GALNT2: variants seen among roughly 807,000 people sequenced by gnomAD.
GALNT2 encodes the protein polypeptide N-acetylgalactosaminyltransferase 2, also known as UDP-GalNAc:polypeptide N-acetylgalactosaminyltransferase 2.
In GALNT2, 31 loss-of-function variants were observed where a neutral mutation model predicts 81.4. The ratio of observed to expected loss-of-function variants is 0.38; its 90% CI spans 0.29 to 0.51. GALNT2 has a LOEUF of 0.51. GALNT2 is among the 20% of genes least tolerant of loss of function. GALNT2 has a pLI of 0.87. For missense variants in GALNT2, 629 were observed against 765.7 expected (o/e 0.82, Z 2.11); for synonymous variants, 303 against 287.4 (o/e 1.05, Z -0.55).
intron 1 of GALNT2, among the ~76,000 whole-genome samples, chr1:230,092,839 T>C (rs1009966590): frequency 7.9e-5 from 12 of 152,136 alleles, no homozygotes; most frequent in African/African-American, 2.9e-4. Flanking sequence ...GGGTCAAATT[T>C]AGGGGGTAGA....
chr1:230,137,943 AT>A (rs781018224), intron 1 of GALNT2, among the ~76,000 whole-genome samples: 13 of 152,082 alleles, frequency 8.5e-5, no homozygotes, highest in Non-Finnish European at 1.6e-4. Context: ...CTTAGTTTTG[AT>A]TTGTTTTACA....
intron 11 of GALNT2, among the ~76,000 whole-genome samples, chr1:230,260,319 A>G (rs898075195): frequency 6.6e-6 from 1 of 152,220 alleles, no homozygotes; most frequent in East Asian, 1.9e-4. Context: ...GTAGATACCA[A>G]ATAAATACCT....
chr1:230,087,026 C>G (rs1176525078), intron 1 of GALNT2, among the ~76,000 whole-genome samples: 2 of 152,218 alleles, frequency 1.3e-5, no homozygotes, highest in Non-Finnish European at 2.9e-5. Flanking sequence ...TAACCCACAC[C>G]AGGCACGTAG....
chr1:230,079,667 T>C (rs1351107123), intron 1 of GALNT2, among the ~76,000 whole-genome samples: 5 of 152,194 alleles, frequency 3.3e-5, no homozygotes, highest in Non-Finnish European at 5.9e-5. Flanking sequence ...ACTAACCCTT[T>C]ATTGAAACTG....
At chr1:230,163,081 AT>A (rs1459212475) in intron 1 of GALNT2, among the ~76,000 whole-genome samples, 2 of 152,314 alleles carry the variant, frequency 1.3e-5, no homozygotes, top group African/African-American at 4.8e-5. Context: ...TGACCCCTGC[AT>A]TTCTAAGTCA....
intron 11 of GALNT2, among the ~76,000 whole-genome samples, chr1:230,255,995 CT>C (rs1425918792): frequency 6.6e-6 from 1 of 152,090 alleles, no homozygotes; most frequent in Non-Finnish European, 1.5e-5. Context: ...TGGCGAGGGT[CT>C]TCTTGATGTG....
intron 1 of GALNT2, among the ~76,000 whole-genome samples, chr1:230,119,522 C>T (rs1174378961): frequency 6.6e-6 from 1 of 152,196 alleles, no homozygotes; most frequent in Non-Finnish European, 1.5e-5. Context: ...GTGGTGGAGG[C>T]AACCATTGAT....
chr1:230,235,334 T>C (rs558471720), intron 3 of GALNT2, among the ~76,000 whole-genome samples: 51 of 152,158 alleles, frequency 3.4e-4, no homozygotes, highest in African/African-American at 1.2e-3. Context: ...GTCTGGCCTC[T>C]GAATCAGCTT....
rs556733375 is a variant in GALNT2, at chr1:230,227,530, C to T, written c.375-8484C>T. Among the ~76,000 whole-genome samples, 24 of 145,958 alleles carry T rather than the reference C, an allele frequency of 1.6e-4. No homozygotes were observed. In the East Asian group the frequency reaches 3.9e-3, roughly 23 times the overall value. On this transcript the variant is annotated intron_variant, in intron 3 of 15. Transcript: ENST00000366672. The stretch of plus-strand genomic sequence containing the variant: ...ATACAGCTATATATGCTATATAATA[C>T]AGCTATATATATATATGCTATATAA...
chr1:230,074,168 C>T (rs1030255310), intron 1 of GALNT2, among the ~76,000 whole-genome samples: 2 of 151,710 alleles, frequency 1.3e-5, no homozygotes, highest in Admixed American at 6.6e-5. Flanking sequence ...CCAGAGCTAA[C>T]TGTAGCCTCA....
At chr1:230,151,528 C>G (rs1662093601) in intron 1 of GALNT2, among the ~76,000 whole-genome samples, 1 of 152,174 alleles carries the variant, frequency 6.6e-6, no homozygotes, top group South Asian at 2.1e-4. Context: ...ACCCGGCCTC[C>G]CCAAGATAGC....
At chr1:230,087,179 G>A (rs371548733) in intron 1 of GALNT2, among the ~76,000 whole-genome samples, 1 of 152,132 alleles carries the variant, frequency 6.6e-6, no homozygotes. Context: ...ATCTGGCACC[G>A]CCCTTTCCAA....
At chr1:230,090,985 C>T (rs1660054296) in intron 1 of GALNT2, among the ~76,000 whole-genome samples, 1 of 152,126 alleles carries the variant, frequency 6.6e-6, no homozygotes, top group Non-Finnish European at 1.5e-5. Context: ...AATGACAGTT[C>T]ATTAATTGAT....
chr1:230,255,198 TGTCTTGTTCATC>T lies in GALNT2; in HGVS notation c.1010-15_1010-4del. ...CGTCCCAGGCTCTGTCAGTCACCTG[TGTCTTGTTCATC>T]GTCTCAGAGATCTCGTTCCGCGTGT... On this transcript the variant is annotated splice_region_variant and splice_polypyrimidine_tract_variant and intron_variant, in intron 10 of 15. Transcript: ENST00000366672. The T allele has an allele frequency of 6.2e-7, 1 of 1,614,198 alleles. No homozygotes were observed. The highest frequency in any genetic ancestry group is 8.5e-7 in the Non-Finnish European group (1 of 1,180,024).
chr1:230,179,193 A>G (rs1663082799), intron 2 of GALNT2, among the ~76,000 whole-genome samples: 1 of 151,918 alleles, frequency 6.6e-6, no homozygotes, highest in Non-Finnish European at 1.5e-5. Flanking sequence ...TAGTTTGTTT[A>G]TTCACCTAGT....
intron 2 of GALNT2, among the ~76,000 whole-genome samples, chr1:230,194,911 G>A (rs1196174422): frequency 6.6e-6 from 1 of 152,228 alleles, no homozygotes; most frequent in Non-Finnish European, 1.5e-5. Flanking sequence ...GCATAGGTCT[G>A]TGGACACGAG....
chr1:230,091,083 T>TTTCTTTC (rs1553311700), intron 1 of GALNT2, among the ~76,000 whole-genome samples: 12 of 150,046 alleles, frequency 8.0e-5, no homozygotes, highest in South Asian at 4.2e-4. Context: ...TTCTTTCTTT[T>TTTCTTTC]TTTTTTTGAG....
intron 2 of GALNT2, among the ~76,000 whole-genome samples, chr1:230,183,181 T>C (rs1663214461): frequency 6.6e-6 from 1 of 152,212 alleles, no homozygotes; most frequent in Non-Finnish European, 1.5e-5. Context: ...TTATAGTGGA[T>C]TTGTTGTAGA....
At chr1:230,072,424 G>T (rs1003130468) in intron 1 of GALNT2, among the ~76,000 whole-genome samples, 1 of 152,104 alleles carries the variant, frequency 6.6e-6, no homozygotes, top group African/African-American at 2.4e-5. Context: ...AGCAGGAGTC[G>T]ACTGTGAGGC....
Sources: allele counts gnomAD v4.1 joint callset (sites outside exome capture counted in the v4.1 genomes callset), GRCh38; gene constraint gnomAD v4.1.1; transcripts MANE v1.5; gene names NCBI Gene and HGNC (gene_info 2026-07-23, HGNC 2026-07-21).